PDSS2: variants seen among roughly 807,000 people sequenced by gnomAD.
PDSS2 encodes the protein all trans-polyprenyl-diphosphate synthase PDSS2.
PDSS2 carries 31 observed loss-of-function variants against 44.5 expected under a neutral mutation model. The ratio of observed to expected loss-of-function variants is 0.70; its 90% CI spans 0.52 to 0.94. PDSS2 has a LOEUF of 0.94. Ranked by LOEUF, PDSS2 falls within the 40% of genes least tolerant of loss-of-function variation. The pLI, the probability that PDSS2 is intolerant of heterozygous loss-of-function variation, is 0.00. For missense variants in PDSS2, 452 were observed against 482.2 expected, an observed-to-expected ratio of 0.94 and a Z score of 0.59; for synonymous variants, 157 against 180.3, an observed-to-expected ratio of 0.87 and a Z score of 1.03.
In PDSS2 at chr6:107,179,288, C is replaced by CT. The variant is rs966746535; in HGVS notation, c.1041+14533dup. On this transcript the variant is annotated intron_variant, in intron 7 of 7. Coordinates refer to ENST00000369037, the MANE Select transcript of PDSS2 (RefSeq NM_020381.4). ...TGATTTAGTTAAGATCCTTCTTCTTCTTTTTTTTTTTAGATGGAGTTTCAC... is the reference window on the plus strand; with the variant it reads ...TGATTTAGTTAAGATCCTTCTTCTTCTTTTTTTTTTTTAGATGGAGTTTCAC... Among the ~76,000 whole-genome samples the CT allele has an allele frequency of 1.2e-3, 174 of 146,042 alleles. 1 individual carries two copies. Among genetic ancestry groups the CT allele is most frequent in the African/African-American group, 3.4e-3 (137 of 40,074 alleles).
intron 6 of PDSS2, among the ~76,000 whole-genome samples, chr6:107,207,751 A>G (rs1480206264): frequency 2.0e-5 from 3 of 151,552 alleles, no homozygotes; most frequent in Non-Finnish European, 4.4e-5. Flanking sequence ...CTGGGATTAC[A>G]GGCCCGGGCC....
At chr6:107,446,051 C>T (rs1781666682) in intron 1 of PDSS2, among the ~76,000 whole-genome samples, 2 of 152,154 alleles carry the variant, frequency 1.3e-5, no homozygotes, top group Admixed American at 1.3e-4. Flanking sequence ...GGCGCGGTGG[C>T]TCATGCCTGT....
chr6:107,431,606 A>G (rs1053361234), intron 1 of PDSS2, among the ~76,000 whole-genome samples: 4 of 152,186 alleles, frequency 2.6e-5, no homozygotes, highest in African/African-American at 9.7e-5. Flanking sequence ...ATATTTGTAC[A>G]GTACAGCATA....
At position 107,245,574 on chromosome 6, in the gene PDSS2, C is replaced by T. The variant is rs746073753; in HGVS notation, c.676G>A (p.Val226Ile). 1.3e-5 allele frequency: 21 copies of T among 1,590,944 alleles called. No homozygotes were observed. In the South Asian group the frequency reaches 1.9e-4, roughly 15 times the overall value. Reference protein sequence around the residue: ...ASALMDLVQGVYHENSTSKES... With the variant: ...ASALMDLVQGIYHENSTSKES... The stretch of plus-strand genomic sequence containing the variant: ...TTTGAAGTAGAATTTTCATGATATA[C>T]TCCTTGTACCAAGTCCATAAGAGCA... The change falls in exon 4 of 8, where the codon GTA (valine) becomes ATA (isoleucine). Residue 226 changes from valine to isoleucine, a missense_variant. By Grantham distance (29) the Val-to-Ile change is conservative. Coordinates refer to ENST00000369037, the MANE Select transcript of PDSS2 (RefSeq NM_020381.4).
intron 7 of PDSS2, among the ~76,000 whole-genome samples, chr6:107,174,024 C>G (rs781907159): frequency 2.0e-5 from 3 of 152,086 alleles, no homozygotes; most frequent in Non-Finnish European, 2.9e-5. Flanking sequence ...GTGTACATGT[C>G]CAAAACACAG....
chr6:107,296,524 G>T (rs1179331279), intron 2 of PDSS2, among the ~76,000 whole-genome samples: 1 of 152,156 alleles, frequency 6.6e-6, no homozygotes, highest in Non-Finnish European at 1.5e-5. Context: ...TCAGGAGTTT[G>T]AGACCAGCCT....
Position 107,201,743 on chromosome 6 carries a change from A to G in PDSS2, c.1009-7889T>C, listed in dbSNP as rs912535729. Among the ~76,000 whole-genome samples the G allele has an allele frequency of 4.6e-5, 7 of 152,306 alleles. No individual in the cohort carries two copies. In the South Asian group the frequency reaches 1.5e-3, roughly 32 times the overall value. On this transcript the variant is annotated intron_variant, in intron 6 of 7. Transcript: ENST00000369037. ...ACTAATCATCTCTACTTATCAGGTT[A>G]TTCTTCCCAAATGTTACAGGCTATA...
At chr6:107,172,850 G>A (rs1305247792) in intron 7 of PDSS2, among the ~76,000 whole-genome samples, 1 of 151,634 alleles carries the variant, frequency 6.6e-6, no homozygotes, top group African/African-American at 2.4e-5. Context: ...GAGTGGCTGG[G>A]CACGGCAGCT....
intron 1 of PDSS2, among the ~76,000 whole-genome samples, chr6:107,390,194 A>G (rs1241709913): frequency 6.6e-6 from 1 of 152,168 alleles, no homozygotes; most frequent in Non-Finnish European, 1.5e-5. Context: ...ACTCACTTCC[A>G]AAGAACAGAG....
intron 2 of PDSS2, among the ~76,000 whole-genome samples, chr6:107,288,377 GGTAGGCCCTC>G (rs1351916351): frequency 6.6e-5 from 10 of 152,156 alleles, no homozygotes; most frequent in Admixed American, 5.9e-4. Flanking sequence ...TTCAGTGCCT[GGTAGGCCCTC>G]AAGTCTTTGT....
Position 107,396,622 on chromosome 6 carries a change from G to A in PDSS2, c.297-62290C>T, listed in dbSNP as rs997050151. On this transcript the variant is annotated intron_variant, in intron 1 of 7. Coordinates refer to ENST00000369037, the MANE Select transcript of PDSS2 (RefSeq NM_020381.4). ...TATATAAAATAACTGTAGAGACTACGGTTGATGTTATTTGCCACAGAGGAT... is the reference window on the plus strand; with the variant it reads ...TATATAAAATAACTGTAGAGACTACAGTTGATGTTATTTGCCACAGAGGAT... 2.2e-4 allele frequency among the ~76,000 whole-genome samples: 34 copies of A among 151,140 alleles called. 1 individual carries two copies. The highest frequency in any genetic ancestry group is 1.9e-4 in the East Asian group (1 of 5,154).
Position 107,407,447 on chromosome 6 carries a change from T to C in PDSS2, c.296+51543A>G, listed in dbSNP as rs539493050. ...AACATGGTGAATTTTATGTTATGTATATTTTACCACAACTTTTTAAATGCA... is the reference window on the plus strand; with the variant it reads ...AACATGGTGAATTTTATGTTATGTACATTTTACCACAACTTTTTAAATGCA... On this transcript the variant is annotated intron_variant, in intron 1 of 7. Transcript: ENST00000369037. 8.0e-4 allele frequency among the ~76,000 whole-genome samples: 122 copies of C among 152,350 alleles called. 1 individual carries two copies. The highest frequency in any genetic ancestry group is 2.9e-3 in the African/African-American group (121 of 41,588).
intron 1 of PDSS2, among the ~76,000 whole-genome samples, chr6:107,380,886 CA>C (rs1779434861): frequency 6.6e-6 from 1 of 152,122 alleles, no homozygotes; most frequent in Non-Finnish European, 1.5e-5. Context: ...CTGGAAGTCA[CA>C]AAAGATACAG....
At chr6:107,272,343 C>G (rs9480761) in intron 3 of PDSS2, among the ~76,000 whole-genome samples, 29,270 of 152,068 alleles carry the variant, frequency 0.19, 2,983 homozygotes, top group East Asian at 0.22. Flanking sequence ...CTTTAGCAAA[C>G]TAGGATGTAC....
At chr6:107,309,579 C>A (rs1344806724) in intron 2 of PDSS2, among the ~76,000 whole-genome samples, 1 of 152,150 alleles carries the variant, frequency 6.6e-6, no homozygotes, top group Admixed American at 6.5e-5. Flanking sequence ...GTCCTGAGGG[C>A]AAGGAGTGCT....
At chr6:107,284,962 T>G (rs773067230) in intron 2 of PDSS2, among the ~76,000 whole-genome samples, 1 of 152,198 alleles carries the variant, frequency 6.6e-6, no homozygotes, top group Non-Finnish European at 1.5e-5. Context: ...CTTTATTATC[T>G]CTTCCGTACA....
intron 1 of PDSS2, among the ~76,000 whole-genome samples, chr6:107,374,758 CA>C (rs1779232755): frequency 1.3e-5 from 2 of 152,148 alleles, no homozygotes; most frequent in African/African-American, 4.8e-5. Context: ...TCATTTTAAA[CA>C]GTCATGTTAT....
rs182401312 is a variant in PDSS2 at position 107,338,681 on chromosome 6, G to A, written c.297-4349C>T. ...GAGGGAAGTAGCCAGGGGATCTGGG[G>A]CAGGGACGAAAAAGTGTTCTGAAGA... On this transcript the variant is annotated intron_variant, in intron 1 of 7. Transcript: ENST00000369037. Among the ~76,000 whole-genome samples, 433 of 152,242 alleles carry A rather than the reference G, an allele frequency of 2.8e-3. 2 individuals are homozygous for A. The highest frequency in any genetic ancestry group is 9.6e-3 in the African/African-American group (399 of 41,536).
At chr6:107,364,397 G>A (rs1040930399) in intron 1 of PDSS2, among the ~76,000 whole-genome samples, 5 of 151,482 alleles carry the variant, frequency 3.3e-5, no homozygotes, top group African/African-American at 1.2e-4. Flanking sequence ...CCGCGGGAAG[G>A]CAGCTAAGGC....
Sources: allele counts gnomAD v4.1 joint callset (sites outside exome capture counted in the v4.1 genomes callset), GRCh38; gene constraint gnomAD v4.1.1; transcripts MANE v1.5; gene names NCBI Gene and HGNC (gene_info 2026-07-23, HGNC 2026-07-21).